Variants in RERE observed in about 807,000 individuals in gnomAD.
The protein encoded by RERE is arginine-glutamic acid dipeptide repeats.
A neutral mutation model predicts 146.1 loss-of-function variants in RERE; 40 were observed. The observed-to-expected ratio is 0.27, with a 90% CI of 0.21 to 0.36. RERE has a LOEUF of 0.36. RERE is among the 10% of genes least tolerant of loss of function. The pLI, the probability that RERE is intolerant of heterozygous loss-of-function variation, is 1.00. For missense variants in RERE, 1,933 were observed against 2,138.7 expected (o/e 0.90, Z 1.90); for synonymous variants, 1,003 against 866.0 (o/e 1.16, Z -2.78).
intron 1 of RERE, among the ~76,000 whole-genome samples, chr1:8,811,634 T>G (rs1372706452): frequency 6.6e-6 from 1 of 152,134 alleles, no homozygotes; most frequent in Non-Finnish European, 1.5e-5. Flanking sequence ...TCTGGGAGCC[T>G]AGGGAACATA....
At chr1:8,799,378 T>G (rs1254418005) in intron 1 of RERE, 1 of 157,972 alleles carries the variant, frequency 6.3e-6, no homozygotes, top group African/African-American at 2.4e-5. Flanking sequence ...TGGAGAAAAC[T>G]CTCATCAACA....
chr1:8,481,284 C>G (rs1020875005), intron 10 of RERE, among the ~76,000 whole-genome samples: 1 of 151,974 alleles, frequency 6.6e-6, no homozygotes, highest in African/African-American at 2.4e-5. Flanking sequence ...GCCCAGCTAT[C>G]TTTGTATTTT....
intron 8 of RERE, among the ~76,000 whole-genome samples, chr1:8,501,756 A>T (rs2124268004): frequency 9.2e-6 from 1 of 108,906 alleles, no homozygotes; most frequent in Non-Finnish European, 1.9e-5. Context: ...TCCGGGAGGG[A>T]GGTGGGGGGA....
chr1:8,777,831 G>A (rs1167796681), intron 1 of RERE, among the ~76,000 whole-genome samples: 7 of 150,722 alleles, frequency 4.6e-5, no homozygotes, highest in South Asian at 2.1e-4. Context: ...CACCGTGCCC[G>A]GCCCCAAAGT....
intron 1 of RERE, among the ~76,000 whole-genome samples, chr1:8,661,519 C>T (rs887754835): frequency 2.6e-5 from 4 of 152,104 alleles, no homozygotes; most frequent in South Asian, 2.1e-4. Flanking sequence ...CCTCAAGGAG[C>T]GCAGTGGGGC....
At chr1:8,581,244 T>C (rs144218192) in intron 4 of RERE, among the ~76,000 whole-genome samples, 132 of 152,348 alleles carry the variant, frequency 8.7e-4, no homozygotes, top group African/African-American at 2.9e-3. Flanking sequence ...CCAATAATGA[T>C]GGGCACTTTT....
intron 3 of RERE, among the ~76,000 whole-genome samples, chr1:8,616,188 G>A (rs1042187142): frequency 6.6e-6 from 1 of 151,990 alleles, no homozygotes; most frequent in African/African-American, 2.4e-5. Flanking sequence ...TCAAATTAAG[G>A]GTTTTAAATC....
At chr1:8,767,039 C>T (rs1310581729) in intron 1 of RERE, among the ~76,000 whole-genome samples, 2 of 152,070 alleles carry the variant, frequency 1.3e-5, no homozygotes, top group African/African-American at 2.4e-5. Flanking sequence ...AATGAATAGA[C>T]TAATATGATT....
intron 1 of RERE, 62 bp downstream of exon 1, chr1:8,817,098 C>T (rs1641928147): frequency 6.6e-6 from 1 of 152,290 alleles, no homozygotes; most frequent in Non-Finnish European, 1.5e-5. Context: ...CCTCTCTGAC[C>T]ACCAGGACGA....
At chr1:8,508,297 A>G (rs1438907282) in intron 8 of RERE, among the ~76,000 whole-genome samples, 3 of 152,204 alleles carry the variant, frequency 2.0e-5, no homozygotes, top group Admixed American at 2.0e-4. Flanking sequence ...AGGAAGGAGA[A>G]TGGTGATTGC....
chr1:8,765,132 T>G (rs1640822838), intron 1 of RERE, among the ~76,000 whole-genome samples: 1 of 152,190 alleles, frequency 6.6e-6, no homozygotes, highest in East Asian at 1.9e-4. Flanking sequence ...AAATAAAATG[T>G]GGCATAGCCA....
At chr1:8,653,824 G>C (rs1647770696) in intron 2 of RERE, among the ~76,000 whole-genome samples, 1 of 151,662 alleles carries the variant, frequency 6.6e-6, no homozygotes, top group Non-Finnish European at 1.5e-5. Flanking sequence ...AATTCTTACT[G>C]CCCAATAGCT....
chr1:8,530,168 A>G (rs1331148464), intron 7 of RERE, among the ~76,000 whole-genome samples: 1 of 152,206 alleles, frequency 6.6e-6, no homozygotes, highest in East Asian at 1.9e-4. Flanking sequence ...ATGTACATCT[A>G]TAATCTCTGG....
intron 7 of RERE, among the ~76,000 whole-genome samples, chr1:8,518,864 A>G (rs1324664285): frequency 6.6e-6 from 1 of 152,220 alleles, no homozygotes; most frequent in Non-Finnish European, 1.5e-5. Context: ...GAATAAAATC[A>G]TTGTGCTGGC....
At chr1:8,504,819 C>T (rs1645229454) in intron 8 of RERE, among the ~76,000 whole-genome samples, 1 of 151,934 alleles carries the variant, frequency 6.6e-6, no homozygotes, top group South Asian at 2.1e-4. Flanking sequence ...TGCCACTGCA[C>T]TCCAGCCTGG....
At chr1:8,485,668 A>G (rs1283949744) in intron 10 of RERE, among the ~76,000 whole-genome samples, 1 of 152,210 alleles carries the variant, frequency 6.6e-6, no homozygotes, top group Non-Finnish European at 1.5e-5. Context: ...TACAGCAGAA[A>G]GGTAAAAGGG....
intron 1 of RERE, among the ~76,000 whole-genome samples, chr1:8,763,856 A>C (rs1185301068): frequency 6.6e-6 from 1 of 151,306 alleles, no homozygotes; most frequent in Non-Finnish European, 1.5e-5. Flanking sequence ...CAGGAGAATC[A>C]CTTGAACCCA....
intron 12 of RERE, among the ~76,000 whole-genome samples, chr1:8,387,697 A>G (rs1019079853): frequency 9.2e-5 from 14 of 152,246 alleles, no homozygotes; most frequent in Admixed American, 5.9e-4. Context: ...AGGATGCTCA[A>G]TATGACTGGA....
At chr1:8,701,316 ACACACACG>A (rs34597365) in intron 1 of RERE, among the ~76,000 whole-genome samples, 64,577 of 133,076 alleles carry the variant, frequency 0.49, 14,245 homozygotes, top group East Asian at 0.69. Flanking sequence ...ACACACACAC[ACACACACG>A]CACACACTCC....
Sources: gnomAD v4.1 joint callset for allele counts (sites outside exome capture counted in the v4.1 genomes callset) on GRCh38, gnomAD v4.1.1 for gene constraint, MANE v1.5 for transcripts, NCBI Gene and HGNC (gene_info 2026-07-23, HGNC 2026-07-21) for gene names.